CTDP1: variants seen among roughly 807,000 people sequenced by gnomAD.
The protein encoded by CTDP1 is CTD phosphatase 1.
Under a neutral mutation model 91.8 loss-of-function variants are expected in CTDP1, and 47 were observed. The observed-to-expected ratio is 0.51, with a 90% CI of 0.41 to 0.65. The LOEUF (loss-of-function observed/expected upper bound fraction) is 0.65, where lower values mean the gene tolerates loss of function less well. Among genes scored for constraint, CTDP1 ranks in the 30% least tolerant of loss-of-function variants. The pLI is 0.00. For synonymous variants in CTDP1, 656 were observed against 598.5 expected (o/e 1.10, Z -1.40); for missense variants, 1,272 against 1,373.7 (o/e 0.93, Z 1.17).
intron 12 of CTDP1, among the ~76,000 whole-genome samples, chr18:79,741,265 C>T (rs1236091525): frequency 6.6e-6 from 1 of 151,816 alleles, no homozygotes; most frequent in Admixed American, 6.6e-5. Context: ...GGGTGAGGTC[C>T]CCCGTGCGGT....
intron 11 of CTDP1, among the ~76,000 whole-genome samples, chr18:79,734,610 G>A (rs764978415): frequency 6.0e-5 from 9 of 151,058 alleles, no homozygotes; most frequent in South Asian, 2.1e-4. Context: ...CCTCGGGTCC[G>A]TGGGCTGCCG....
At chr18:79,696,102 G>GCTCGTAAGGA in intron 3 of CTDP1, 32 bp downstream of exon 3, 1 of 1,590,458 alleles carries the variant, frequency 6.3e-7, no homozygotes, top group African/African-American at 1.3e-5. Context: ...GCGTGTTGGG[G>GCTCGTAAGGA]AAGCGTGGTG....
chr18:79,699,847 C>T (rs1210245093), intron 4 of CTDP1, among the ~76,000 whole-genome samples: 1 of 152,180 alleles, frequency 6.6e-6, no homozygotes, highest in Non-Finnish European at 1.5e-5. Flanking sequence ...TGTTGTGCCA[C>T]GCTCTGGAAA....
rs2085416142 is a variant in CTDP1 at position 79,683,413 on chromosome 18, G to A, written c.314+3152G>A. On this transcript the variant is annotated intron_variant, in intron 1 of 12. Coordinates refer to ENST00000613122, the MANE Select transcript of CTDP1 (RefSeq NM_004715.5). ...GGCAGAATCCACAACTGCTTTTGTGGAGGCTCCAACCCTGGCTTCAGCTCA... is the reference window on the plus strand; with the variant it reads ...GGCAGAATCCACAACTGCTTTTGTGAAGGCTCCAACCCTGGCTTCAGCTCA... Among the ~76,000 whole-genome samples, 4 of 152,348 alleles carry A rather than the reference G, an allele frequency of 2.6e-5. No homozygotes were observed. In the South Asian group the frequency reaches 8.3e-4, roughly 32 times the overall value.
At chr18:79,748,453 G>A (rs1264477893) in intron 12 of CTDP1, among the ~76,000 whole-genome samples, 1 of 152,210 alleles carries the variant, frequency 6.6e-6, no homozygotes, top group Non-Finnish European at 1.5e-5. Context: ...CCGTTGACCT[G>A]GTCCCAGACA....
chr18:79,720,126 G>C (rs1418744619), intron 10 of CTDP1, among the ~76,000 whole-genome samples: 3 of 146,240 alleles, frequency 2.1e-5, no homozygotes, highest in African/African-American at 7.7e-5. Context: ...AGGCATCCTG[G>C]TGATGATGTC....
At chr18:79,722,093 A>G (rs959633108) in intron 10 of CTDP1, among the ~76,000 whole-genome samples, 1 of 152,252 alleles carries the variant, frequency 6.6e-6, no homozygotes, top group Non-Finnish European at 1.5e-5. Context: ...TAAAGATTAG[A>G]TACAAAACTG....
At chr18:79,751,793 A>T (rs1016559649) in intron 12 of CTDP1, among the ~76,000 whole-genome samples, 1 of 152,144 alleles carries the variant, frequency 6.6e-6, no homozygotes, top group Non-Finnish European at 1.5e-5. Flanking sequence ...GTGTGGCTGT[A>T]TCACACATAA....
chr18:79,683,918 C>G (rs908098079), intron 1 of CTDP1, among the ~76,000 whole-genome samples: 1 of 152,192 alleles, frequency 6.6e-6, no homozygotes, highest in African/African-American at 2.4e-5. Context: ...GTTTTGGGAC[C>G]GGGGGGTGCC....
intron 4 of CTDP1, among the ~76,000 whole-genome samples, chr18:79,699,923 T>G (rs1462646599): frequency 1.3e-5 from 2 of 152,210 alleles, no homozygotes; most frequent in Non-Finnish European, 2.9e-5. Flanking sequence ...TCAGTGATCT[T>G]TGAGGTCACT....
intron 12 of CTDP1, among the ~76,000 whole-genome samples, chr18:79,739,079 C>T (rs2086723112): frequency 6.6e-6 from 1 of 152,222 alleles, no homozygotes. Context: ...CCTGAAGACC[C>T]TCTAGCCCGG....
intron 5 of CTDP1, among the ~76,000 whole-genome samples, chr18:79,709,831 G>A (rs1019078303): frequency 5.3e-5 from 8 of 152,196 alleles, no homozygotes; most frequent in Admixed American, 1.3e-4. Context: ...TTCTACTAAA[G>A]TAACTTGGGA....
intron 5 of CTDP1, among the ~76,000 whole-genome samples, chr18:79,708,523 T>C (rs1439660385): frequency 6.6e-6 from 1 of 152,216 alleles, no homozygotes; most frequent in African/African-American, 2.4e-5. Flanking sequence ...CGGGGTGCAT[T>C]CGGATCCGGA....
At chr18:79,694,269 CTAGGG>C in intron 1 of CTDP1, among the ~76,000 whole-genome samples, 2 of 141,568 alleles carry the variant, frequency 1.4e-5, no homozygotes, top group African/African-American at 5.3e-5. Context: ...CTACAGGCAC[CTAGGG>C]GTGGGCGCTG....
intron 12 of CTDP1, among the ~76,000 whole-genome samples, chr18:79,744,706 G>A (rs978450457): frequency 6.6e-6 from 1 of 152,204 alleles, no homozygotes; most frequent in Admixed American, 6.5e-5. Context: ...ATGTGCACCG[G>A]AAGTGAGAAC....
chr18:79,718,149 C>T (rs2086260533), intron 10 of CTDP1, 133 bp downstream of exon 10: 1 of 1,079,000 alleles, frequency 9.3e-7, no homozygotes, highest in Non-Finnish European at 1.4e-6. Context: ...CTCCTGCTTC[C>T]ACCTTGTGGG....
chr18:79,713,471 T>C lies in CTDP1; in HGVS notation c.1030+333T>C, dbSNP rs968364272. Among the ~76,000 whole-genome samples the C allele has an allele frequency of 7.9e-5, 12 of 152,098 alleles. No individual in the cohort carries two copies. The highest frequency in any genetic ancestry group is 2.9e-4 in the African/African-American group (12 of 41,416). On this transcript the variant is annotated intron_variant, in intron 7 of 12. Transcript: ENST00000613122. This position sits in a 1 kb window ranked among gnomAD's most constrained non-coding sequence, Gnocchi z 4.7. ...CTGGGTATTGGGCCATAGTGTTCTG[T>C]AGAGAGAGTGAATGTGGGGGCGGTG...
rs369393364 is a variant in CTDP1, at chr18:79,737,160, C to T, written c.2747+639C>T. ...TGAGGCCTGTTTTCGGGCGTTTGGC[C>T]GCAACAGCGCACTCTAAACGCTGCT... On this transcript the variant is annotated intron_variant, in intron 12 of 12. Coordinates refer to ENST00000613122, the MANE Select transcript of CTDP1 (RefSeq NM_004715.5). Among the ~76,000 whole-genome samples the T allele has an allele frequency of 5.9e-5, 9 of 152,192 alleles. No homozygotes were observed. In the South Asian group the frequency reaches 6.2e-4, roughly 10 times the overall value.
At chr18:79,695,432 C>A in intron 2 of CTDP1, 124 bp downstream of exon 2, 1 of 824,668 alleles carries the variant, frequency 1.2e-6, no homozygotes, top group East Asian at 2.6e-5. Context: ...GATGCAGACG[C>A]CTCCCTTGGG....
Sources: allele counts gnomAD v4.1 joint callset (sites outside exome capture counted in the v4.1 genomes callset), GRCh38; gene constraint gnomAD v4.1.1; non-coding constraint Gnocchi (gnomAD v3.1); transcripts MANE v1.5; gene names NCBI Gene and HGNC (gene_info 2026-07-23, HGNC 2026-07-21).